Variants in IPO11 observed in about 807,000 individuals in gnomAD.
IPO11 encodes the protein importin-11.
A neutral mutation model predicts 143.2 loss-of-function variants in IPO11; 66 were observed. That is an observed-to-expected ratio of 0.46 (90% confidence interval 0.38 to 0.57). The LOEUF (loss-of-function observed/expected upper bound fraction) is 0.57, where lower values mean the gene tolerates loss of function less well. Ranked by LOEUF, IPO11 falls within the 20% of genes least tolerant of loss-of-function variation. The pLI, the probability that IPO11 is intolerant of heterozygous loss-of-function variation, is 0.00. For synonymous variants in IPO11, 385 were observed against 377.8 expected, an observed-to-expected ratio of 1.02 and a Z score of -0.22; for missense variants, 1,026 against 1,141.0, an observed-to-expected ratio of 0.90 and a Z score of 1.45.
chr5:62,532,976 A>G (rs1450382819), intron 22 of IPO11, among the ~76,000 whole-genome samples: 2 of 152,172 alleles, frequency 1.3e-5, no homozygotes, highest in Admixed American at 6.5e-5. Context: ...TAAAGTTTCA[A>G]TGAATATAGG....
At chr5:62,568,028 C>T (rs1561366286) in intron 27 of IPO11, among the ~76,000 whole-genome samples, 1 of 152,066 alleles carries the variant, frequency 6.6e-6, no homozygotes, top group East Asian at 1.9e-4. Context: ...TGCAGTGGCA[C>T]AATCATGGCT....
intron 29 of IPO11, among the ~76,000 whole-genome samples, chr5:62,625,396 A>G (rs116205387): frequency 2.8e-3 from 421 of 152,350 alleles, no homozygotes; most frequent in African/African-American, 9.6e-3. Flanking sequence ...AAATTAAGCA[A>G]TACTGAGCCA....
At chr5:62,445,531 A>C (rs1198262548) in intron 3 of IPO11, among the ~76,000 whole-genome samples, 1 of 152,112 alleles carries the variant, frequency 6.6e-6, no homozygotes, top group African/African-American at 2.4e-5. Flanking sequence ...AAAACAATAT[A>C]TATGTATTCA....
intron 22 of IPO11, 135 bp downstream of exon 22, chr5:62,530,920 C>T (rs975012943): frequency 5.8e-5 from 38 of 656,524 alleles, no homozygotes; most frequent in Non-Finnish European, 9.7e-5. Context: ...TATATGTACA[C>T]GTTTGTTACA....
At chr5:62,501,799 T>C in intron 16 of IPO11, among the ~76,000 whole-genome samples, 1 of 152,196 alleles carries the variant, frequency 6.6e-6, no homozygotes, top group East Asian at 1.9e-4. Context: ...TGAGGATGGC[T>C]TTTTAAATAA....
intron 28 of IPO11, among the ~76,000 whole-genome samples, chr5:62,596,491 T>C (rs1745224304): frequency 6.6e-6 from 1 of 152,178 alleles, no homozygotes; most frequent in Admixed American, 6.6e-5. Flanking sequence ...AAGGTCACTT[T>C]GGTCCATTGT....
chr5:62,496,191 G>A (rs1052412090), intron 16 of IPO11, among the ~76,000 whole-genome samples: 7 of 151,952 alleles, frequency 4.6e-5, no homozygotes, highest in Non-Finnish European at 1.0e-4. Context: ...GGGAGGCCGA[G>A]GCAGGAGAAT....
At chr5:62,493,038 C>T (rs1376003610) in intron 15 of IPO11, among the ~76,000 whole-genome samples, 1 of 152,102 alleles carries the variant, frequency 6.6e-6, no homozygotes, top group Admixed American at 6.6e-5. Context: ...TGATTTTTCT[C>T]CTTACCTGAA....
chr5:62,517,886 G>A (rs919076805), intron 20 of IPO11, among the ~76,000 whole-genome samples: 1 of 152,164 alleles, frequency 6.6e-6, no homozygotes, highest in African/African-American at 2.4e-5. Flanking sequence ...ATTTGTACCG[G>A]CCAAGAGTGC....
chr5:62,625,994 A>G (rs1746553537), intron 29 of IPO11, among the ~76,000 whole-genome samples: 1 of 152,032 alleles, frequency 6.6e-6, no homozygotes, highest in Non-Finnish European at 1.5e-5. Context: ...GTTTTTCCTA[A>G]TGTTAACATT....
Position 62,627,412 on chromosome 5 carries a change from C to A in IPO11, c.*94C>A. ...TGAGAGCCTGCTGAGATGAAGAAAT[C>A]ACTTCATGAAAATAAGCAAAGACCA... On this transcript the variant is annotated 3_prime_UTR_variant, in exon 30 of 30. Coordinates refer to ENST00000325324, the MANE Select transcript of IPO11 (RefSeq NM_016338.5). 8.5e-7 allele frequency: 1 copy of A among 1,180,650 alleles called. No individual in the cohort carries two copies. The highest frequency in any genetic ancestry group is 1.8e-5 in the South Asian group (1 of 55,190). 73.1% of individuals were successfully genotyped at this position (1,180,650 alleles called of 1,614,324 possible).
At chr5:62,438,985 G>A (rs1744343235) in intron 2 of IPO11, among the ~76,000 whole-genome samples, 1 of 151,338 alleles carries the variant, frequency 6.6e-6, no homozygotes, top group South Asian at 2.1e-4. Context: ...TGTGAACCCA[G>A]GAAGCAGAGC....
At chr5:62,467,876 C>G (rs183784113) in intron 6 of IPO11, among the ~76,000 whole-genome samples, 80 of 152,240 alleles carry the variant, frequency 5.3e-4, no homozygotes, top group African/African-American at 1.7e-3. Flanking sequence ...TTGTCTTATT[C>G]TCTTACTTTT....
intron 5 of IPO11, among the ~76,000 whole-genome samples, chr5:62,452,719 GTGGGGTGT>G (rs1256139506): frequency 9.4e-6 from 1 of 106,880 alleles, no homozygotes; most frequent in East Asian, 2.5e-4. Context: ...TCTGTTTTTG[GTGGGGTGT>G]GTGTGTGTGT....
At chr5:62,591,770 A>C in intron 28 of IPO11, 98 bp downstream of exon 28, 1 of 669,874 alleles carries the variant, frequency 1.5e-6, no homozygotes, top group Non-Finnish European at 2.4e-6. Context: ...CACAGTATGA[A>C]AGTTTTATAA....
intron 20 of IPO11, among the ~76,000 whole-genome samples, chr5:62,517,989 C>T (rs184280570): frequency 5.3e-5 from 8 of 151,922 alleles, no homozygotes; most frequent in East Asian, 3.9e-4. Flanking sequence ...ATTTTTCAGC[C>T]GTTTGGGAAG....
chr5:62,481,118 C>T (rs1206370990), intron 9 of IPO11, among the ~76,000 whole-genome samples: 2 of 151,904 alleles, frequency 1.3e-5, no homozygotes, highest in Admixed American at 1.3e-4. Flanking sequence ...CAGGGTTTCA[C>T]CGTGTTAGCC....
At chr5:62,435,801 G>T (rs959132209) in intron 1 of IPO11, among the ~76,000 whole-genome samples, 1 of 152,156 alleles carries the variant, frequency 6.6e-6, no homozygotes, top group African/African-American at 2.4e-5. Context: ...GGCTGAGGCA[G>T]GCGGATCACC....
chr5:62,548,946 A>G (rs994463413), intron 24 of IPO11, among the ~76,000 whole-genome samples: 2 of 152,090 alleles, frequency 1.3e-5, no homozygotes, highest in African/African-American at 4.8e-5. Flanking sequence ...GAAATTATAC[A>G]TGTATTTAAT....
Sources: allele counts gnomAD v4.1 joint callset (sites outside exome capture counted in the v4.1 genomes callset), GRCh38; gene constraint gnomAD v4.1.1; transcripts MANE v1.5; gene names NCBI Gene and HGNC (gene_info 2026-07-23, HGNC 2026-07-21).